The following SDF2L1 variants were observed in gnomAD, a reference collection of about 807,000 sequenced individuals.
The protein encoded by SDF2L1 is stromal cell-derived factor 2-like protein 1.
In SDF2L1, 18 loss-of-function variants were observed where a neutral mutation model predicts 19.4. The ratio of observed to expected loss-of-function variants is 0.93; its 90% CI spans 0.64 to 1.38. The LOEUF (loss-of-function observed/expected upper bound fraction) is 1.38, where lower values mean the gene tolerates loss of function less well. Ranked by LOEUF, SDF2L1 falls within the 40% of genes most tolerant of loss-of-function variation. The pLI, the probability that SDF2L1 is intolerant of heterozygous loss-of-function variation, is 0.00. For synonymous variants in SDF2L1, 161 were observed against 148.9 expected (o/e 1.08, Z -0.59); for missense variants, 263 against 319.4 (o/e 0.82, Z 1.35).
chr22:21,643,108 C>A (rs2148472430), intron 2 of SDF2L1, 50 bp downstream of exon 2: 1 of 1,533,396 alleles, frequency 6.5e-7, no homozygotes, highest in East Asian at 2.4e-5. Context: ...GTGTGAGGGG[C>A]CAGAGACAGA....
At chr22:21,643,696 A>C (rs1380575585) in intron 2 of SDF2L1, among the ~76,000 whole-genome samples, 198 bp from the exon 3 acceptor site, 4 of 152,086 alleles carry the variant, frequency 2.6e-5, no homozygotes, top group African/African-American at 9.7e-5. Flanking sequence ...GACAGATGCA[A>C]TGGTGTGTGC....
chr22:21,643,640 T>TGGA (rs1037749075), intron 2 of SDF2L1, among the ~76,000 whole-genome samples: 2 of 152,058 alleles, frequency 1.3e-5, no homozygotes, highest in African/African-American at 2.4e-5. Flanking sequence ...TGGGAAAATG[T>TGGA]GGAGGAGGAG....
At position 21,642,372 on chromosome 22, in the gene SDF2L1, G is replaced by C; in HGVS notation, c.36G>C (p.Pro12=). 1 of 1,420,480 alleles carries C rather than the reference G, an allele frequency of 7.0e-7. No homozygotes were observed. Among genetic ancestry groups the C allele is most frequent in the Non-Finnish European group, 9.1e-7 (1 of 1,095,212 alleles). 88.0% of individuals were successfully genotyped at this position (1,420,480 alleles called of 1,614,324 possible). The change falls in exon 1 of 3, where the codon CCG becomes CCC. Residue 12 remains proline (P), a synonymous_variant. Transcript: ENST00000248958. ...WSAGRGGAAW[P]VLLGLLLALL... is the part of the protein sequence containing the mutation. ...CGGGCCGCGGCGGGGCTGCCTGGCCGGTGCTGTTGGGGCTGCTGCTGGCGC... is the reference window on the plus strand; with the variant it reads ...CGGGCCGCGGCGGGGCTGCCTGGCCCGTGCTGTTGGGGCTGCTGCTGGCGC...
intron 2 of SDF2L1, 99 bp downstream of exon 2, chr22:21,643,157 A>G (rs758220956): frequency 3.3e-5 from 46 of 1,407,150 alleles, no homozygotes; most frequent in Non-Finnish European, 4.2e-5. Context: ...TCTTCGTGAA[A>G]TGGAAATTTC....
chr22:21,642,828 G>A (rs749869875), intron 1 of SDF2L1, 34 bp from the exon 2 acceptor site: 4 of 1,568,326 alleles, frequency 2.6e-6, no homozygotes, highest in Middle Eastern at 2.3e-4. Context: ...CGCGATTGAC[G>A]GAGACCCTGG....
rs1389594301 is a variant in SDF2L1, at chr22:21,643,993, T to A, written c.484T>A (p.Phe162Ile). The change falls in exon 3 of 3, where the codon TTC becomes ATC. Residue 162 changes from phenylalanine to isoleucine, a missense_variant. Around this residue, in one of 3 missense-constraint regions of SDF2L1, gnomAD observed 203 missense variants for 256.9 expected, o/e 0.79. Transcript: ENST00000248958. ...CTGGGAGCGTGAGGCTGCTGTGCGC[T>A]TCCAGCATGTGGGCACCTCTGTGTT... Reference protein sequence around the residue: ...QHWEREAAVRFQHVGTSVFLS... With the variant: ...QHWEREAAVRIQHVGTSVFLS... 6.2e-7 allele frequency: 1 copy of A among 1,614,038 alleles called. No homozygotes were observed. Among genetic ancestry groups the A allele is most frequent in the Non-Finnish European group, 8.5e-7 (1 of 1,180,024 alleles).
intron 2 of SDF2L1, 74 bp downstream of exon 2, chr22:21,643,132 A>G (rs1301961872): frequency 3.4e-6 from 5 of 1,483,204 alleles, no homozygotes; most frequent in Non-Finnish European, 4.5e-6. Flanking sequence ...CTGGGTTCCA[A>G]TCCGAGCCTC....
At position 21,643,006 on chromosome 22, in the gene SDF2L1, C is replaced by G; in HGVS notation, c.332C>G (p.Thr111Arg). 6.4e-7 allele frequency: 1 copy of G among 1,563,736 alleles called. No individual in the cohort carries two copies. The highest frequency in any genetic ancestry group is 8.7e-7 in the Non-Finnish European group (1 of 1,155,132). ...GCGGTGAGGCTCACGCATGTGCTTA[C>G]GGGCAAGAACCTGCACACGCACCAC... ...GQAVRLTHVL[T>R]GKNLHTHHFP... The change falls in exon 2 of 3, where the codon ACG becomes AGG. Residue 111 changes from threonine to arginine, a missense_variant. Physicochemically the swap from Thr to Arg is moderately conservative, Grantham distance 71. Transcript: ENST00000248958.
At chr22:21,643,611 A>T (rs1354467954) in intron 2 of SDF2L1, among the ~76,000 whole-genome samples, 2 of 152,164 alleles carry the variant, frequency 1.3e-5, no homozygotes, top group Non-Finnish European at 2.9e-5. Context: ...GGCTGAAGGT[A>T]GGTCAGAGGG....
chr22:21,643,082 G>C (rs1463139820), intron 2 of SDF2L1, 24 bp downstream of exon 2: 15 of 1,549,886 alleles, frequency 9.7e-6, no homozygotes, highest in African/African-American at 1.4e-5. Context: ...GGAGCCCCCA[G>C]AGAGACTCCT....
Position 21,644,271 on chromosome 22 carries a change from C to T in SDF2L1, c.*96C>T. 1.5e-6 allele frequency: 2 copies of T among 1,326,618 alleles called. No individual in the cohort carries two copies. Among genetic ancestry groups the T allele is most frequent in the Non-Finnish European group, 2.1e-6 (2 of 947,620 alleles). 82.2% of individuals were successfully genotyped at this position (1,326,618 alleles called of 1,614,324 possible). On this transcript the variant is annotated 3_prime_UTR_variant, in exon 3 of 3. Coordinates refer to ENST00000248958, the MANE Select transcript of SDF2L1 (RefSeq NM_022044.3). ...TGGGTTTGTAGGGGTCCTCAAGTGCCTTTGTGATTAAAGAATGTTGGTCTA... is the reference window on the plus strand; with the variant it reads ...TGGGTTTGTAGGGGTCCTCAAGTGCTTTTGTGATTAAAGAATGTTGGTCTA...
intron 2 of SDF2L1, 150 bp from the exon 3 acceptor site, chr22:21,643,744 G>C (rs1215022543): frequency 1.4e-5 from 10 of 696,768 alleles, no homozygotes; most frequent in Non-Finnish European, 2.2e-5. Flanking sequence ...GGGAGTGCTA[G>C]AGGTTGCGGG....
In SDF2L1 at chr22:21,642,982, C is replaced by T. The variant is rs748629732; in HGVS notation, c.308C>T (p.Ala103Val). ...PRGSPVRCGQ[A>V]VRLTHVLTGK... ...GGGTCCCCGGTGCGCTGCGGGCAGG[C>T]GGTGAGGCTCACGCATGTGCTTACG... Residue 103 changes from alanine to valine, a missense_variant, in exon 2 of 3, where the codon GCG (alanine) becomes GTG (valine). Ala to Val is a moderately conservative substitution (Grantham distance 64). This residue lies in a region of SDF2L1 where 203 missense variants were observed against 256.9 expected (regional missense o/e 0.79). Coordinates refer to ENST00000248958, the MANE Select transcript of SDF2L1 (RefSeq NM_022044.3). 48 of 1,566,972 alleles carry T rather than the reference C, an allele frequency of 3.1e-5. No homozygotes were observed. Among genetic ancestry groups the T allele is most frequent in the Non-Finnish European group, 3.7e-5 (43 of 1,157,388 alleles).
chr22:21,643,294 A>T (rs1330259840), intron 2 of SDF2L1: 1 of 588,578 alleles, frequency 1.7e-6, no homozygotes, highest in Non-Finnish European at 3.0e-6. Context: ...ATACGCCTGG[A>T]TAGCTCTTCC....
chr22:21,642,643 A>C, intron 1 of SDF2L1, 120 bp downstream of exon 1: 1 of 1,281,588 alleles, frequency 7.8e-7, no homozygotes, highest in Non-Finnish European at 1.0e-6. Flanking sequence ...GGGGCTCTAG[A>C]GTCGTTGGGA....
At chr22:21,643,427 C>T in intron 2 of SDF2L1, 1 of 445,620 alleles carries the variant, frequency 2.2e-6, no homozygotes, top group South Asian at 2.7e-5. Flanking sequence ...TCCTACAAGC[C>T]ACAAAGGGGA....
Position 21,643,372 on chromosome 22 carries a change from C to T in SDF2L1, c.384+314C>T, listed in dbSNP as rs2066096349. 3.8e-6 allele frequency: 2 copies of T among 529,874 alleles called. 1 individual carries two copies. Among genetic ancestry groups the T allele is most frequent in the South Asian group, 4.5e-5 (2 of 44,738 alleles). 32.8% of individuals were successfully genotyped at this position (529,874 alleles called of 1,614,324 possible). On this transcript the variant is annotated intron_variant, in intron 2 of 2. Coordinates refer to ENST00000248958, the MANE Select transcript of SDF2L1 (RefSeq NM_022044.3). ...TGAGGGTGGGGAATAGGAAACTCCA[C>T]TGGGGAGGAGGAACTCAGGCTAGAT...
intron 2 of SDF2L1, 139 bp downstream of exon 2, chr22:21,643,197 C>CG: frequency 1.9e-6 from 2 of 1,078,374 alleles, no homozygotes; most frequent in Non-Finnish European, 1.3e-6. Context: ...AGCGCCCCCT[C>CG]GGGGGACACA....
At chr22:21,643,839 G>A (rs765215920) in intron 2 of SDF2L1, 55 bp from the exon 3 acceptor site, 4 of 1,536,546 alleles carry the variant, frequency 2.6e-6, no homozygotes, top group Non-Finnish European at 3.5e-6. Flanking sequence ...GGTGTACTAG[G>A]TGCGAATGCC....
Sources: allele counts gnomAD v4.1 joint callset (sites outside exome capture counted in the v4.1 genomes callset), GRCh38; gene constraint gnomAD v4.1.1; regional missense constraint gnomAD v4.1.1; transcripts MANE v1.5; gene names NCBI Gene and HGNC (gene_info 2026-07-23, HGNC 2026-07-21).